Variants in ELOVL2 observed in about 807,000 individuals in gnomAD.
ELOVL2 encodes ELOVL fatty acid elongase 2.
In ELOVL2, 38 loss-of-function variants were observed where a neutral mutation model predicts 37.7. That is an observed-to-expected ratio of 1.01 (90% CI 0.78 to 1.32). The LOEUF (loss-of-function observed/expected upper bound fraction) is 1.32, where lower values mean the gene tolerates loss of function less well. Ranked by LOEUF, ELOVL2 falls within the 40% of genes most tolerant of loss-of-function variation. ELOVL2 has a pLI of 0.00. For synonymous variants in ELOVL2, 115 were observed against 122.3 expected, an observed-to-expected ratio of 0.94 and a Z score of 0.40; for missense variants, 352 against 363.6, an observed-to-expected ratio of 0.97 and a Z score of 0.26.
At chr6:10,995,770 AC>A (rs1782257325) in intron 4 of ELOVL2, among the ~76,000 whole-genome samples, 1 of 152,212 alleles carries the variant, frequency 6.6e-6, no homozygotes, top group African/African-American at 2.4e-5. Context: ...AGCTAGTGTT[AC>A]GAATCTATCA....
At chr6:11,005,601 C>G (rs1354954845) in intron 2 of ELOVL2, 42 bp from the exon 3 acceptor site, 1 of 1,536,202 alleles carries the variant, frequency 6.5e-7, no homozygotes, top group Non-Finnish European at 8.9e-7. Flanking sequence ...AGGAATGATG[C>G]TCCTGTTTAG....
rs753349938 is a variant in ELOVL2, at chr6:11,000,076, T to C, written c.333+11A>G. On this transcript the variant is annotated intron_variant, in intron 4 of 7. Transcript: ENST00000354666. ...TGGTTATAGTTGGTTGATTTGCTTC[T>C]AGTGGCTCACCCGGATGTCAGCTTC... is the stretch of plus-strand genomic sequence containing the variant. 5.0e-6 allele frequency: 8 copies of C among 1,613,736 alleles called. No individual in the cohort carries two copies. In the South Asian group the frequency reaches 8.8e-5, roughly 18 times the overall value.
chr6:11,028,027 C>T (rs1057376158), intron 1 of ELOVL2, among the ~76,000 whole-genome samples: 1 of 152,242 alleles, frequency 6.6e-6, no homozygotes, highest in Admixed American at 6.5e-5. Flanking sequence ...TACCCAATTC[C>T]TTTTGCCTGA....
chr6:10,993,417 T>G (rs1409288770), intron 5 of ELOVL2, among the ~76,000 whole-genome samples: 2 of 152,168 alleles, frequency 1.3e-5, no homozygotes, highest in African/African-American at 4.8e-5. Flanking sequence ...CTTTAACTTC[T>G]TATATATACA....
chr6:11,005,388 G>A lies in ELOVL2; in HGVS notation c.239C>T (p.Ala80Val), dbSNP rs1446696729. The change falls in exon 3 of 8, where the codon GCG becomes GTG. Residue 80 changes from alanine (A) to valine (V), a missense_variant. Coordinates refer to ENST00000354666, the MANE Select transcript of ELOVL2 (RefSeq NM_017770.4). ...AACACTTACCTCTGCCAGCATGTAC[G>A]CGGAGAGAAGTGTGATTCCAAGATT... ...LYNLGITLLS[A>V]YMLAELILST... 9.9e-6 allele frequency: 16 copies of A among 1,613,420 alleles called. No homozygotes were observed. Among genetic ancestry groups the A allele is most frequent in the South Asian group, 2.2e-5 (2 of 90,826 alleles).
At chr6:11,029,477 A>T (rs975180430) in intron 1 of ELOVL2, among the ~76,000 whole-genome samples, 2 of 152,208 alleles carry the variant, frequency 1.3e-5, no homozygotes, top group African/African-American at 4.8e-5. Context: ...TACACAGAGT[A>T]GAAGTTGAAT....
chr6:11,026,113 G>A (rs1397176659), intron 1 of ELOVL2, among the ~76,000 whole-genome samples: 2 of 152,180 alleles, frequency 1.3e-5, no homozygotes, highest in African/African-American at 2.4e-5. Flanking sequence ...TTATGACAGC[G>A]TGGCTTCCCC....
At chr6:10,985,254 G>A (rs4360130) in intron 7 of ELOVL2, among the ~76,000 whole-genome samples, 27,678 of 151,554 alleles carry the variant, frequency 0.18, 3,378 homozygotes, top group East Asian at 0.44. Context: ...GTAGATTCTG[G>A]ATATTAGCCC....
At chr6:10,991,371 G>A (rs1782155697) in intron 5 of ELOVL2, among the ~76,000 whole-genome samples, 1 of 152,192 alleles carries the variant, frequency 6.6e-6, no homozygotes, top group Non-Finnish European at 1.5e-5. Context: ...ATCCTGTGGT[G>A]GGAGGGATTG....
At chr6:10,994,470 A>AC (rs1196498797) in intron 5 of ELOVL2, among the ~76,000 whole-genome samples, 1 of 109,980 alleles carries the variant, frequency 9.1e-6, no homozygotes. Context: ...TTCCATCTCA[A>AC]AAAAAAAAAA....
At position 10,989,694 on chromosome 6, in the gene ELOVL2, T is replaced by A; in HGVS notation, c.765+9A>T. The A allele has an allele frequency of 6.2e-7, 1 of 1,611,768 alleles. No individual in the cohort carries two copies. Among genetic ancestry groups the A allele is most frequent in the Non-Finnish European group, 8.5e-7 (1 of 1,178,494 alleles). The stretch of plus-strand genomic sequence containing the variant: ...ACATTTTACTGCTGAATATTTACAT[T>A]CCACGTACCTGAACGTAAAAATTTA... On this transcript the variant is annotated intron_variant, in intron 7 of 7. Coordinates refer to ENST00000354666, the MANE Select transcript of ELOVL2 (RefSeq NM_017770.4).
rs573925133 is a variant in ELOVL2 at position 11,038,176 on chromosome 6, T to C, written c.3+6052A>G. On this transcript the variant is annotated intron_variant, in intron 1 of 7. Transcript: ENST00000354666. ...TACAGGACTTGCCTCTCACAAAAGT[T>C]TTTTTGTGAGGCTTCAGAAAGAGTT... Among the ~76,000 whole-genome samples the C allele has an allele frequency of 3.3e-5, 5 of 152,338 alleles. No homozygotes were observed. The South Asian group carries it at 1.0e-3, about 32-fold the overall frequency.
At chr6:10,995,347 C>T (rs1206738435) in intron 4 of ELOVL2, among the ~76,000 whole-genome samples, 169 bp from the exon 5 acceptor site, 1 of 149,554 alleles carries the variant, frequency 6.7e-6, no homozygotes, top group Non-Finnish European at 1.5e-5. Flanking sequence ...TTATTTCAAG[C>T]AATCCACCCA....
chr6:11,018,547 A>C (rs1219897880), intron 1 of ELOVL2, among the ~76,000 whole-genome samples: 1 of 152,192 alleles, frequency 6.6e-6, no homozygotes, highest in African/African-American at 2.4e-5. Context: ...TTAAACTTTA[A>C]TGTTCGTAAG....
At chr6:10,986,441 A>G (rs1581856253) in intron 7 of ELOVL2, among the ~76,000 whole-genome samples, 1 of 152,318 alleles carries the variant, frequency 6.6e-6, no homozygotes, top group East Asian at 1.9e-4. Flanking sequence ...TTCAAAGGGA[A>G]TGCTTCCAGT....
chr6:10,994,149 T>A (rs1039900653), intron 5 of ELOVL2, among the ~76,000 whole-genome samples: 1 of 142,822 alleles, frequency 7.0e-6, no homozygotes, highest in Non-Finnish European at 1.5e-5. Context: ...GGCAGAAGAA[T>A]GAGACCCTGT....
chr6:11,008,016 C>CT (rs753821540), intron 2 of ELOVL2, among the ~76,000 whole-genome samples: 57 of 152,240 alleles, frequency 3.7e-4, no homozygotes, highest in Non-Finnish European at 7.1e-4. Context: ...GAAGTGTTAG[C>CT]TCTTCCTCTG....
intron 7 of ELOVL2, among the ~76,000 whole-genome samples, chr6:10,986,927 C>G (rs935586878): frequency 2.0e-5 from 3 of 152,170 alleles, no homozygotes; most frequent in Non-Finnish European, 2.9e-5. Context: ...AGGAATGGTA[C>G]CAGTTCCTCC....
intron 3 of ELOVL2, among the ~76,000 whole-genome samples, chr6:11,002,458 C>A (rs1323675158): frequency 1.3e-5 from 2 of 152,142 alleles, no homozygotes; most frequent in African/African-American, 2.4e-5. Flanking sequence ...ATTAAACATA[C>A]CCCCAGAGTG....
Sources: allele counts gnomAD v4.1 joint callset (sites outside exome capture counted in the v4.1 genomes callset), GRCh38; gene constraint gnomAD v4.1.1; transcripts MANE v1.5; gene names NCBI Gene and HGNC (gene_info 2026-07-23, HGNC 2026-07-21).